THSD7B: variants seen among roughly 807,000 people sequenced by gnomAD.
THSD7B encodes thrombospondin type 1 domain containing 7B.
A neutral mutation model predicts 213.6 loss-of-function variants in THSD7B; 138 were observed. That is an observed-to-expected ratio of 0.65 (90% CI 0.56 to 0.74). The LOEUF is 0.74. Among genes scored for constraint, THSD7B ranks in the 30% least tolerant of loss-of-function variants. THSD7B has a pLI of 0.00. For synonymous variants in THSD7B, 742 were observed against 687.0 expected, an observed-to-expected ratio of 1.08 and a Z score of -1.25; for missense variants, 1,931 against 1,991.5, an observed-to-expected ratio of 0.97 and a Z score of 0.58.
chr2:137,195,715 C>T (rs777089082), intron 7 of THSD7B, among the ~76,000 whole-genome samples: 1 of 151,812 alleles, frequency 6.6e-6, no homozygotes, highest in Non-Finnish European at 1.5e-5. Flanking sequence ...AGAAAGCCAA[C>T]CAAAAAATAT....
At chr2:137,012,786 C>T (rs1316326924) in intron 2 of THSD7B, among the ~76,000 whole-genome samples, 1 of 152,212 alleles carries the variant, frequency 6.6e-6, no homozygotes, top group African/African-American at 2.4e-5. Context: ...TTTATTTGTG[C>T]TTTTAACAGA....
chr2:137,082,951 C>CTG (rs2104906310), intron 3 of THSD7B, among the ~76,000 whole-genome samples: 1 of 152,200 alleles, frequency 6.6e-6, no homozygotes, highest in Non-Finnish European at 1.5e-5. Flanking sequence ...CTCAGTATGT[C>CTG]TGTGTGCTTA....
At chr2:137,112,993 C>T (rs1688376135) in intron 4 of THSD7B, among the ~76,000 whole-genome samples, 3 of 152,186 alleles carry the variant, frequency 2.0e-5, no homozygotes, top group African/African-American at 7.2e-5. Flanking sequence ...GTTGGTTGGA[C>T]TCCAAAGCAT....
chr2:136,889,314 G>A (rs931850174), intron 2 of THSD7B, among the ~76,000 whole-genome samples: 3 of 151,974 alleles, frequency 2.0e-5, no homozygotes, highest in Non-Finnish European at 4.4e-5. Context: ...TCTTTTTGCT[G>A]TTTATTCTGA....
chr2:137,014,071 GTCA>G (rs1202116159), intron 2 of THSD7B, among the ~76,000 whole-genome samples: 1 of 152,132 alleles, frequency 6.6e-6, no homozygotes, highest in East Asian at 1.9e-4. Flanking sequence ...CAGGTGGTGT[GTCA>G]TCATGCCCAT....
At chr2:136,978,931 C>T (rs1162076022) in intron 2 of THSD7B, among the ~76,000 whole-genome samples, 1 of 149,962 alleles carries the variant, frequency 6.7e-6, no homozygotes, top group Non-Finnish European at 1.5e-5. Context: ...TTGGTATAGG[C>T]TTTTTCTTTC....
At chr2:137,506,651 A>C (rs1439481805) in intron 15 of THSD7B, among the ~76,000 whole-genome samples, 2 of 152,212 alleles carry the variant, frequency 1.3e-5, no homozygotes, top group Non-Finnish European at 2.9e-5. Context: ...TTTACCACAC[A>C]AAATGCTTCA....
chr2:136,892,398 T>C (rs982209275), intron 2 of THSD7B, among the ~76,000 whole-genome samples: 1 of 152,150 alleles, frequency 6.6e-6, no homozygotes, highest in African/African-American at 2.4e-5. Context: ...TGGGCTGTTA[T>C]GTAAGAAGGG....
At chr2:137,603,351 CTT>C (rs1682110975) in intron 17 of THSD7B, among the ~76,000 whole-genome samples, 1 of 151,990 alleles carries the variant, frequency 6.6e-6, no homozygotes, top group African/African-American at 2.4e-5. Flanking sequence ...TTCTTTTTTT[CTT>C]TTAAGTACAC....
At chr2:137,158,986 T>G (rs1363830900) in intron 5 of THSD7B, among the ~76,000 whole-genome samples, 1 of 152,196 alleles carries the variant, frequency 6.6e-6, no homozygotes, top group African/African-American at 2.4e-5. Flanking sequence ...TTAGGGTCTC[T>G]CTGTGCAAGA....
At chr2:137,169,938 A>C (rs2104994131) in intron 6 of THSD7B, among the ~76,000 whole-genome samples, 1 of 152,316 alleles carries the variant, frequency 6.6e-6, no homozygotes, top group East Asian at 1.9e-4. Flanking sequence ...TCTAAGGCCA[A>C]GAGTCAACGG....
At chr2:137,644,106 G>C (rs947129514) in intron 21 of THSD7B, among the ~76,000 whole-genome samples, 1 of 152,248 alleles carries the variant, frequency 6.6e-6, no homozygotes. Context: ...GCATCTATTG[G>C]AAATAGCTAG....
At chr2:136,875,708 G>C (rs2104985595) in intron 1 of THSD7B, among the ~76,000 whole-genome samples, 1 of 152,216 alleles carries the variant, frequency 6.6e-6, no homozygotes, top group Non-Finnish European at 1.5e-5. Context: ...AATCATAGAA[G>C]GCACCTTAAA....
intron 1 of THSD7B, among the ~76,000 whole-genome samples, chr2:136,792,486 C>T (rs2104915066): frequency 6.6e-6 from 1 of 152,042 alleles, no homozygotes; most frequent in African/African-American, 2.4e-5. Flanking sequence ...TGTATAACTC[C>T]AAGTGTGAAC....
chr2:136,907,922 C>G (rs72981671), intron 2 of THSD7B, among the ~76,000 whole-genome samples: 1,611 of 152,158 alleles, frequency 0.011, 45 homozygotes, highest in African/African-American at 0.037. Context: ...AGTGGTGACA[C>G]TAATAGAGGA....
At chr2:136,947,793 A>T (rs1266385769) in intron 2 of THSD7B, among the ~76,000 whole-genome samples, 1 of 152,046 alleles carries the variant, frequency 6.6e-6, no homozygotes, top group Non-Finnish European at 1.5e-5. Flanking sequence ...TTGCCTCTGC[A>T]TTTAATGATT....
intron 2 of THSD7B, among the ~76,000 whole-genome samples, chr2:136,914,704 C>G (rs894437341): frequency 4.6e-5 from 7 of 152,116 alleles, no homozygotes; most frequent in African/African-American, 1.7e-4. Flanking sequence ...TGCCTTTCAC[C>G]CCCCACCATA....
chr2:136,794,080 A>G (rs569457935), intron 1 of THSD7B, among the ~76,000 whole-genome samples: 1 of 150,148 alleles, frequency 6.7e-6, no homozygotes, highest in African/African-American at 2.5e-5. Flanking sequence ...CCCCTCATTA[A>G]TTCCTGATAT....
intron 2 of THSD7B, among the ~76,000 whole-genome samples, chr2:136,957,222 G>C (rs1050505594): frequency 6.6e-6 from 1 of 152,190 alleles, no homozygotes; most frequent in South Asian, 2.1e-4. Context: ...TAACCAGAAA[G>C]AGACTCATTT....
Sources: gnomAD v4.1 joint callset for allele counts (sites outside exome capture counted in the v4.1 genomes callset) on GRCh38, gnomAD v4.1.1 for gene constraint, MANE v1.5 for transcripts, NCBI Gene and HGNC (gene_info 2026-07-23, HGNC 2026-07-21) for gene names.